The following ITGA4 variants were observed in gnomAD, a reference collection of about 807,000 sequenced individuals.
ITGA4 encodes integrin subunit alpha 4.
A neutral mutation model predicts 133.6 loss-of-function variants in ITGA4; 63 were observed. That is an observed-to-expected ratio of 0.47 (90% CI 0.38 to 0.58). ITGA4 has a LOEUF of 0.58. Among genes scored for constraint, ITGA4 ranks in the 20% least tolerant of loss-of-function variants. The pLI is 0.00. For synonymous variants in ITGA4, 483 were observed against 438.0 expected, an observed-to-expected ratio of 1.10 and a Z score of -1.28; for missense variants, 1,076 against 1,252.7, an observed-to-expected ratio of 0.86 and a Z score of 2.13.
Position 181,534,940 on chromosome 2 carries a change from G to C in ITGA4, c.3003+5G>C, listed in dbSNP as rs1687027025. On this transcript the variant is annotated splice_donor_5th_base_variant and intron_variant, in intron 27 of 27. Coordinates refer to ENST00000397033, the MANE Select transcript of ITGA4 (RefSeq NM_000885.6). The stretch of plus-strand genomic sequence containing the variant: ...ATCTCATATGTTATGTGGAAGGTAA[G>C]CATTTAACAATTACCAACATTAGTC... The C allele has an allele frequency of 6.4e-7, 1 of 1,556,492 alleles. No individual in the cohort carries two copies. The highest frequency in any genetic ancestry group is 8.6e-7 in the Non-Finnish European group (1 of 1,158,276).
At position 181,537,908 on chromosome 2, in the gene ITGA4, CT is replaced by C. The variant is rs1687250278; in HGVS notation, c.*2382del. The C allele has an allele frequency of 1.8e-6, 1 of 569,902 alleles. No individual in the cohort carries two copies. The highest frequency in any genetic ancestry group is 1.8e-5 in the African/African-American group (1 of 54,244). 35.3% of individuals were successfully genotyped at this position (569,902 alleles called of 1,614,324 possible). A position where few individuals can be genotyped will look rare whatever the true frequency, so the allele number is the denominator to read the frequency against. The stretch of plus-strand genomic sequence containing the variant: ...ATGGAGCATTACTGAGTTCCTCCCC[CT>C]GTCAGATCAGCAGCAGCATTAGATT... On this transcript the variant is annotated 3_prime_UTR_variant, in exon 28 of 28. Transcript: ENST00000397033.
At position 181,531,787 on chromosome 2, in the gene ITGA4, C is replaced by A; in HGVS notation, c.2784+11C>A. ...TCCATTTTAGAAATGGTAAGTAAGT[C>A]TAAAACATTGACAACTTGGTGGCTA... On this transcript the variant is annotated intron_variant, in intron 25 of 27. Coordinates refer to ENST00000397033, the MANE Select transcript of ITGA4 (RefSeq NM_000885.6). 2 of 1,586,668 alleles carry A rather than the reference C, an allele frequency of 1.3e-6. No homozygotes were observed. Among genetic ancestry groups the A allele is most frequent in the South Asian group, 2.3e-5 (2 of 85,854 alleles).
intron 10 of ITGA4, among the ~76,000 whole-genome samples, chr2:181,492,167 AT>A (rs1239710972): frequency 4.6e-5 from 7 of 152,240 alleles, no homozygotes; most frequent in African/African-American, 1.7e-4. Context: ...TAGCTGTCCG[AT>A]GAATGAATAA....
chr2:181,534,883 G>T lies in ITGA4; in HGVS notation c.2951G>T (p.Ser984Ile), dbSNP rs1687025550. 6.3e-7 allele frequency: 1 copy of T among 1,598,392 alleles called. No individual in the cohort carries two copies. Among genetic ancestry groups the T allele is most frequent in the African/African-American group, 1.4e-5 (1 of 73,632 alleles). Residue 984 changes from serine (S) to isoleucine (I), a missense_variant, in exon 27 of 28, where the codon AGC becomes ATC. Transcript: ENST00000397033. ...TTCACCATAGTGATTATTTCAAGTA[G>T]CTTGCTACTTGGACTTATTGTACTT... ...RYFTIVIISS[S>I]LLLGLIVLLL...
intron 2 of ITGA4, among the ~76,000 whole-genome samples, chr2:181,459,983 T>G (rs1685229314): frequency 6.6e-6 from 1 of 151,948 alleles, no homozygotes; most frequent in African/African-American, 2.4e-5. Flanking sequence ...AAAAATTGTT[T>G]GGGCATGTGT....
chr2:181,532,856 C>G (rs954769678), intron 25 of ITGA4, among the ~76,000 whole-genome samples: 7 of 152,086 alleles, frequency 4.6e-5, no homozygotes, highest in African/African-American at 1.7e-4. Flanking sequence ...TTTGCCCATT[C>G]AGTATGATAT....
chr2:181,517,674 T>C (rs561612548), intron 17 of ITGA4, among the ~76,000 whole-genome samples: 2 of 152,192 alleles, frequency 1.3e-5, no homozygotes, highest in East Asian at 3.9e-4. Context: ...TGTTAATGAA[T>C]CAATTTACAG....
At chr2:181,525,655 T>G (rs1686818494) in intron 21 of ITGA4, among the ~76,000 whole-genome samples, 1 of 152,218 alleles carries the variant, frequency 6.6e-6, no homozygotes, top group East Asian at 1.9e-4. Context: ...AGTGTGAAGT[T>G]CAGAGAAGTG....
In ITGA4 at chr2:181,537,783, T is replaced by G. The variant is rs1263206163; in HGVS notation, c.*2256T>G. ...TGATATCTAAAAACAGAATTTGAATTGATATTTCATCTTGACTTTTAAAGC... is the reference window on the plus strand; with the variant it reads ...TGATATCTAAAAACAGAATTTGAATGGATATTTCATCTTGACTTTTAAAGC... On this transcript the variant is annotated 3_prime_UTR_variant, in exon 28 of 28. Coordinates refer to ENST00000397033, the MANE Select transcript of ITGA4 (RefSeq NM_000885.6). The G allele has an allele frequency of 4.4e-6, 2 of 455,960 alleles. No homozygotes were observed. The highest frequency in any genetic ancestry group is 2.0e-5 in the African/African-American group (1 of 50,016). The allele number at this position is 455,960 out of a possible 1,614,324, so 28.2% of individuals were successfully genotyped here. A position where few individuals can be genotyped will look rare whatever the true frequency, so the allele number is the denominator to read the frequency against.
chr2:181,509,626 T>C (rs767551013), intron 15 of ITGA4, 32 bp from the exon 16 acceptor site: 8 of 1,527,034 alleles, frequency 5.2e-6, no homozygotes, highest in Admixed American at 4.5e-5. Flanking sequence ...GTGCTTGTTT[T>C]TGTTAATTCA....
chr2:181,529,259 CCTA>C (rs2105770579), intron 22 of ITGA4, among the ~76,000 whole-genome samples: 1 of 152,160 alleles, frequency 6.6e-6, no homozygotes, highest in South Asian at 2.1e-4. Flanking sequence ...GTTTATGTCT[CCTA>C]AGACTGTTTC....
At chr2:181,526,950 G>C (rs375663111) in intron 21 of ITGA4, among the ~76,000 whole-genome samples, 1 of 148,456 alleles carries the variant, frequency 6.7e-6, no homozygotes, top group African/African-American at 2.5e-5. Flanking sequence ...TCCTGCCTCA[G>C]CCTCCCGAGT....
At position 181,531,566 on chromosome 2, in the gene ITGA4, TTAGAG is replaced by T; in HGVS notation, c.2665-88_2665-84del. 9.0e-6 allele frequency: 5 copies of T among 555,440 alleles called. No individual in the cohort carries two copies. In the South Asian group the frequency reaches 2.2e-4, roughly 24 times the overall value. 34.4% of individuals were successfully genotyped at this position (555,440 alleles called of 1,614,324 possible). On this transcript the variant is annotated intron_variant, in intron 24 of 27. Coordinates refer to ENST00000397033, the MANE Select transcript of ITGA4 (RefSeq NM_000885.6). ...TGGAAAGATGATTTTCAAAATGCCA[TTAGAG>T]TATATATTAAATTCTATATAAAATA...
At chr2:181,530,833 T>C (rs1385597531) in intron 24 of ITGA4, among the ~76,000 whole-genome samples, 184 bp downstream of exon 24, 3 of 152,072 alleles carry the variant, frequency 2.0e-5, no homozygotes, top group Non-Finnish European at 4.4e-5. Flanking sequence ...GTCTATCCCA[T>C]ATATAAACAT....
At chr2:181,483,618 A>G (rs1304190730) in intron 9 of ITGA4, among the ~76,000 whole-genome samples, 5 of 152,210 alleles carry the variant, frequency 3.3e-5, no homozygotes, top group African/African-American at 4.8e-5. Flanking sequence ...TAAGTTTGCA[A>G]TATAGAGCAG....
intron 15 of ITGA4, among the ~76,000 whole-genome samples, chr2:181,503,123 T>C (rs1238545172): frequency 2.6e-5 from 4 of 152,142 alleles, no homozygotes; most frequent in African/African-American, 4.8e-5. Context: ...CAAAAGCCCT[T>C]GGAGACCTAA....
At chr2:181,484,200 G>GT (rs1685864766) in intron 9 of ITGA4, among the ~76,000 whole-genome samples, 1 of 152,130 alleles carries the variant, frequency 6.6e-6, no homozygotes, top group Non-Finnish European at 1.5e-5. Flanking sequence ...GTTTACCGTG[G>GT]TTTCATCAGG....
At position 181,457,435 on chromosome 2, in the gene ITGA4, T is replaced by G; in HGVS notation, c.-220T>G. On this transcript the variant is annotated 5_prime_UTR_variant, in exon 1 of 28. Transcript: ENST00000397033. The stretch of plus-strand genomic sequence containing the variant: ...CCCGGCTGGCGGCAGAAACCGGGAG[T>G]GGGGCCGGGCGAGTGCGCGGCATCC... 4.2e-6 allele frequency: 2 copies of G among 479,308 alleles called. No homozygotes were observed. The highest frequency in any genetic ancestry group is 7.4e-6 in the Non-Finnish European group (2 of 270,950). The allele number at this position is 479,308 out of a possible 1,614,324, so 29.7% of individuals were successfully genotyped here. A position where few individuals can be genotyped will look rare whatever the true frequency, so the allele number is the denominator to read the frequency against.
intron 19 of ITGA4, 45 bp from the exon 20 acceptor site, chr2:181,524,126 A>T: frequency 8.0e-7 from 1 of 1,244,918 alleles, no homozygotes. Context: ...TAAAAAATGT[A>T]CTTAAGATTT....
Sources: allele counts gnomAD v4.1 joint callset (sites outside exome capture counted in the v4.1 genomes callset), GRCh38; gene constraint gnomAD v4.1.1; transcripts MANE v1.5; gene names NCBI Gene and HGNC (gene_info 2026-07-23, HGNC 2026-07-21).